PTPRD: variants seen among roughly 807,000 people sequenced by gnomAD.
The protein encoded by PTPRD is receptor-type tyrosine-protein phosphatase delta.
In PTPRD, 34 loss-of-function variants were observed where a neutral mutation model predicts 214.5. The ratio of observed to expected loss-of-function variants is 0.16; its 90% CI spans 0.12 to 0.21. The LOEUF (loss-of-function observed/expected upper bound fraction) is 0.21, where lower values mean the gene tolerates loss of function less well. PTPRD is among the 10% of genes least tolerant of loss of function. The pLI, the probability that PTPRD is intolerant of heterozygous loss-of-function variation, is 1.00. For missense variants in PTPRD, 2,545 were observed against 2,398.7 expected, an observed-to-expected ratio of 1.06 and a Z score of -1.27; for synonymous variants, 1,128 against 845.7, an observed-to-expected ratio of 1.33 and a Z score of -5.79.
intron 10 of PTPRD, among the ~76,000 whole-genome samples, chr9:9,029,002 G>C (rs1311502385): frequency 6.6e-6 from 1 of 151,910 alleles, no homozygotes; most frequent in African/African-American, 2.4e-5. Context: ...TATGGCTACA[G>C]AGCACTTCAA....
At chr9:8,889,809 A>G (rs2098523218) in intron 11 of PTPRD, among the ~76,000 whole-genome samples, 1 of 152,208 alleles carries the variant, frequency 6.6e-6, no homozygotes, top group Non-Finnish European at 1.5e-5. Context: ...TTTATGGCTG[A>G]GTAGTATTCC....
chr9:8,486,559 T>G, intron 27 of PTPRD: 1 of 692,086 alleles, frequency 1.4e-6, no homozygotes, highest in Non-Finnish European at 2.6e-6. Flanking sequence ...TAGAATTTGA[T>G]AATGGACACA....
At chr9:8,781,566 TAAAG>T (rs1377354078) in intron 11 of PTPRD, among the ~76,000 whole-genome samples, 1 of 152,100 alleles carries the variant, frequency 6.6e-6, no homozygotes, top group Admixed American at 6.6e-5. Flanking sequence ...AGCACTAAAA[TAAAG>T]AAAGAGTCAA....
At chr9:9,545,743 G>A (rs1055647408) in intron 8 of PTPRD, among the ~76,000 whole-genome samples, 4 of 151,740 alleles carry the variant, frequency 2.6e-5, no homozygotes, top group African/African-American at 9.7e-5. Flanking sequence ...GTTCGCTGAT[G>A]TCAGTCCTCC....
At chr9:9,691,840 C>G (rs2097276741) in intron 7 of PTPRD, among the ~76,000 whole-genome samples, 2 of 152,016 alleles carry the variant, frequency 1.3e-5, no homozygotes, top group South Asian at 4.1e-4. Flanking sequence ...ATGGATATCT[C>G]ATTGTAGTTT....
At chr9:9,851,568 A>G (rs2060554759) in intron 5 of PTPRD, among the ~76,000 whole-genome samples, 1 of 152,230 alleles carries the variant, frequency 6.6e-6, no homozygotes, top group Non-Finnish European at 1.5e-5. Context: ...GTAAATATAA[A>G]GTTAGTGCAG....
At chr9:9,450,392 A>C (rs2091813633) in intron 8 of PTPRD, among the ~76,000 whole-genome samples, 1 of 151,854 alleles carries the variant, frequency 6.6e-6, no homozygotes, top group Non-Finnish European at 1.5e-5. Flanking sequence ...AGCAGTATAA[A>C]AGTGTTCCCT....
At chr9:9,297,747 G>A (rs1802520270) in intron 9 of PTPRD, among the ~76,000 whole-genome samples, 2 of 151,550 alleles carry the variant, frequency 1.3e-5, no homozygotes, top group Admixed American at 6.6e-5. Context: ...AAGAAGGATA[G>A]AAAAAATATT....
intron 12 of PTPRD, among the ~76,000 whole-genome samples, chr9:8,695,478 A>G (rs894371213): frequency 7.9e-5 from 12 of 152,114 alleles, no homozygotes; most frequent in African/African-American, 2.4e-4. Context: ...GCAAGCAAGA[A>G]GGAAGCGTCT....
rs550789867 is a variant in PTPRD, at chr9:9,063,076, G to A, written c.-142-44341C>T. ...TTTCCTATTGATGGAATGCTAGCCT[G>A]GATACCTAGATTGTGTGTGAGAGGA... On this transcript the variant is annotated intron_variant, in intron 10 of 45. Transcript: ENST00000381196. 1.5e-4 allele frequency among the ~76,000 whole-genome samples: 23 copies of A among 152,230 alleles called. No individual in the cohort carries two copies. The South Asian group carries it at 2.3e-3, about 15-fold the overall frequency.
intron 7 of PTPRD, among the ~76,000 whole-genome samples, chr9:9,575,291 G>A (rs1244677655): frequency 1.3e-5 from 2 of 152,062 alleles, no homozygotes; most frequent in East Asian, 3.9e-4. Flanking sequence ...TTTAAAGGCT[G>A]TACAGTACTC....
chr9:8,842,380 C>T (rs969893008), intron 11 of PTPRD, among the ~76,000 whole-genome samples: 1 of 152,078 alleles, frequency 6.6e-6, no homozygotes, highest in East Asian at 1.9e-4. Flanking sequence ...GATTATATTA[C>T]TTTTATGGCT....
chr9:9,129,766 TAC>T (rs924665723), intron 10 of PTPRD, among the ~76,000 whole-genome samples: 1 of 152,182 alleles, frequency 6.6e-6, no homozygotes, highest in Admixed American at 6.5e-5. Context: ...ACATCCCACA[TAC>T]ATATTGACAT....
intron 8 of PTPRD, among the ~76,000 whole-genome samples, chr9:9,521,220 G>A (rs1437769947): frequency 6.6e-6 from 1 of 152,044 alleles, no homozygotes; most frequent in Non-Finnish European, 1.5e-5. Context: ...GAACAAAGTC[G>A]CTACAGCAGA....
chr9:10,573,790 G>A (rs941784395), intron 2 of PTPRD, among the ~76,000 whole-genome samples: 27 of 152,298 alleles, frequency 1.8e-4, no homozygotes, highest in African/African-American at 5.8e-4. Context: ...GTAGGAAAGA[G>A]AAGAAAGGCA....
In PTPRD at chr9:9,501,536, G is replaced by T. The variant is rs200073168; in HGVS notation, c.-237+73196C>A. The stretch of plus-strand genomic sequence containing the variant: ...TCAAAAAATCAGTAAATATATAAAT[G>T]ATCAAAATAACACAATCAACAATCT... On this transcript the variant is annotated intron_variant, in intron 8 of 45. Transcript: ENST00000381196. Among the ~76,000 whole-genome samples, 23 of 151,846 alleles carry T rather than the reference G, an allele frequency of 1.5e-4. No individual in the cohort carries two copies. In the East Asian group the frequency reaches 4.3e-3, roughly 28 times the overall value.
At chr9:8,785,013 C>T (rs549047855) in intron 11 of PTPRD, among the ~76,000 whole-genome samples, 148 of 152,036 alleles carry the variant, frequency 9.7e-4, no homozygotes, top group Non-Finnish European at 2.0e-3. Context: ...TACCAACATG[C>T]TGCACCCTGC....
intron 9 of PTPRD, among the ~76,000 whole-genome samples, chr9:9,342,531 C>T (rs1269200901): frequency 6.6e-6 from 1 of 152,080 alleles, no homozygotes; most frequent in Non-Finnish European, 1.5e-5. Context: ...ACATGATTGG[C>T]TACATGTGTA....
intron 8 of PTPRD, among the ~76,000 whole-genome samples, chr9:9,536,005 T>C (rs74415163): frequency 0.014 from 2,118 of 152,178 alleles, 52 homozygotes; most frequent in African/African-American, 0.049. Context: ...CATATCAACA[T>C]AAATATTCAG....
Sources: gnomAD v4.1 joint callset for allele counts (sites outside exome capture counted in the v4.1 genomes callset) on GRCh38, gnomAD v4.1.1 for gene constraint, MANE v1.5 for transcripts, NCBI Gene and HGNC (gene_info 2026-07-23, HGNC 2026-07-21) for gene names.